Variants in ATG7 observed in about 807,000 individuals in gnomAD.
ATG7 encodes the protein autophagy related 7.
In ATG7, 70 loss-of-function variants were observed where a neutral mutation model predicts 82.4. That is an observed-to-expected ratio of 0.85 (90% CI 0.70 to 1.04). The LOEUF is 1.04. ATG7 is among the 50% of genes least tolerant of loss of function. ATG7 has a pLI of 0.00. For missense variants in ATG7, 792 were observed against 864.3 expected, an observed-to-expected ratio of 0.92 and a Z score of 1.05; for synonymous variants, 287 against 313.0, an observed-to-expected ratio of 0.92 and a Z score of 0.88.
intron 9 of ATG7, among the ~76,000 whole-genome samples, chr3:11,317,563 G>A (rs1949603359): frequency 6.7e-6 from 1 of 150,188 alleles, no homozygotes; most frequent in Non-Finnish European, 1.5e-5. Context: ...TGATTCCGAA[G>A]CCTATGCCCT....
chr3:11,396,775 C>CT (rs1363039855), intron 19 of ATG7, among the ~76,000 whole-genome samples: 37 of 119,296 alleles, frequency 3.1e-4, no homozygotes, highest in South Asian at 9.6e-4. Context: ...GAGCAAGACT[C>CT]TGTCTCCAAA....
chr3:11,554,283 G>A (rs1373079202), intron 20 of ATG7, among the ~76,000 whole-genome samples: 1 of 152,238 alleles, frequency 6.6e-6, no homozygotes, highest in Non-Finnish European at 1.5e-5. Context: ...TGGTGGGGAG[G>A]GCTTGCTCTT....
At chr3:11,471,495 T>A (rs960877483) in intron 20 of ATG7, among the ~76,000 whole-genome samples, 5 of 152,120 alleles carry the variant, frequency 3.3e-5, no homozygotes, top group Admixed American at 6.6e-5. Flanking sequence ...ATTTAAAAAA[T>A]TTTTACTGTC....
At position 11,507,608 on chromosome 3, in the gene ATG7, A is replaced by C. The variant is rs140496961; in HGVS notation, c.2080-47203A>C. Among the ~76,000 whole-genome samples the C allele has an allele frequency of 2.8e-3, 431 of 152,338 alleles. 3 individuals are homozygous for C. The highest frequency in any genetic ancestry group is 9.2e-3 in the African/African-American group (384 of 41,574). On this transcript the variant is annotated intron_variant, in intron 20 of 20. Coordinates refer to ENST00000693202, the MANE Select transcript of ATG7 (RefSeq NM_001349232.2). ...GGTTTGTTCCCTCCATTATAAGTGA[A>C]GGAAATGCTAAAGTTATGGGTGTTT...
intron 20 of ATG7, among the ~76,000 whole-genome samples, chr3:11,504,659 A>G (rs568759172): frequency 6.6e-6 from 1 of 152,368 alleles, no homozygotes; most frequent in African/African-American, 2.4e-5. Context: ...AGGTTTAGAC[A>G]GTTGGCAGAG....
At chr3:11,439,162 A>G (rs1335116276) in intron 20 of ATG7, among the ~76,000 whole-genome samples, 1 of 140,674 alleles carries the variant, frequency 7.1e-6, no homozygotes, top group East Asian at 2.1e-4. Context: ...TCCGTCTCCC[A>G]GGTTCAAGCG....
chr3:11,558,459 CCA>C, downstream of ATG7: 3 of 1,050,344 alleles, frequency 2.9e-6, no homozygotes, highest in Non-Finnish European at 2.6e-6. Flanking sequence ...TCCCTTCCCC[CCA>C]CCCCACCCCC....
At chr3:11,564,605 G>T in the ATG7 span, among the ~76,000 whole-genome samples, 1 of 150,114 alleles carries the variant, frequency 6.7e-6, no homozygotes, top group Non-Finnish European at 1.5e-5. Flanking sequence ...AAAAGCAGAA[G>T]AGGACTCCTG....
intron 14 of ATG7, among the ~76,000 whole-genome samples, chr3:11,354,804 G>A (rs1055560755): frequency 5.3e-5 from 8 of 152,126 alleles, no homozygotes; most frequent in Non-Finnish European, 7.3e-5. Context: ...GACAAAATAC[G>A]TAAAATTACT....
chr3:11,483,779 A>G lies in ATG7; in HGVS notation c.2079+56853A>G, dbSNP rs190401175. Reference sequence around the variant, plus strand: ...TTTAATGCAGTGGGTTTTGTACACAATGACCCTGCAGCCAATCAGGATGGA... The same window carrying G: ...TTTAATGCAGTGGGTTTTGTACACAGTGACCCTGCAGCCAATCAGGATGGA... On this transcript the variant is annotated intron_variant, in intron 20 of 20. Transcript: ENST00000693202. Among the ~76,000 whole-genome samples, 214 of 152,326 alleles carry G rather than the reference A, an allele frequency of 1.4e-3. 3 individuals are homozygous for G. The Middle Eastern group carries it at 0.02, about 15-fold the overall frequency.
At chr3:11,496,578 A>G (rs1183486490) in intron 20 of ATG7, among the ~76,000 whole-genome samples, 5 of 152,180 alleles carry the variant, frequency 3.3e-5, no homozygotes, top group Non-Finnish European at 5.9e-5. Context: ...AGATTACAAT[A>G]GCCAAGGGCC....
At chr3:11,344,367 T>A (rs1019821406) in intron 13 of ATG7, among the ~76,000 whole-genome samples, 3 of 152,216 alleles carry the variant, frequency 2.0e-5, no homozygotes, top group Non-Finnish European at 2.9e-5. Flanking sequence ...AATTTTGATG[T>A]TGGTTTCTGG....
intron 20 of ATG7, among the ~76,000 whole-genome samples, chr3:11,516,506 A>G (rs1260128415): frequency 1.3e-5 from 2 of 152,234 alleles, no homozygotes; most frequent in East Asian, 1.9e-4. Context: ...TGGGAATGCA[A>G]AATGGCACAG....
the ATG7 span, among the ~76,000 whole-genome samples, chr3:11,573,316 G>GAAGGAAGAAAGAAAGAAAGA: frequency 4.8e-5 from 1 of 20,754 alleles, no homozygotes. Flanking sequence ...AGGAAGGAAG[G>GAAGGAAGAAAGAAAGAAAGA]AAGAAAGAAA....
intron 20 of ATG7, among the ~76,000 whole-genome samples, chr3:11,507,888 T>TG (rs1420043401): frequency 2.0e-5 from 3 of 151,630 alleles, no homozygotes; most frequent in Admixed American, 1.3e-4. Context: ...ATTAGTCACA[T>TG]GGGGTGTAAG....
intron 14 of ATG7, among the ~76,000 whole-genome samples, chr3:11,355,390 A>G (rs941207869): frequency 6.6e-6 from 1 of 152,232 alleles, no homozygotes; most frequent in Non-Finnish European, 1.5e-5. Flanking sequence ...AGTTGACTTT[A>G]TAAAAATTTA....
At chr3:11,478,820 T>TTAAAA (rs202173656) in intron 20 of ATG7, among the ~76,000 whole-genome samples, 1,704 of 152,278 alleles carry the variant, frequency 0.011, 30 homozygotes, top group African/African-American at 0.039. Flanking sequence ...CAAACTTGAA[T>TTAAAA]TAAAGTTATT....
intron 20 of ATG7, among the ~76,000 whole-genome samples, chr3:11,482,911 T>C (rs569221252): frequency 2.0e-5 from 3 of 152,040 alleles, no homozygotes; most frequent in Admixed American, 2.0e-4. Context: ...GATTGGGAGA[T>C]AGAACATTTC....
chr3:11,408,867 T>G (rs1333852631), intron 19 of ATG7, among the ~76,000 whole-genome samples: 3 of 152,130 alleles, frequency 2.0e-5, no homozygotes, highest in Non-Finnish European at 2.9e-5. Flanking sequence ...TCCATATTAG[T>G]CTCCCAAAAT....
Sources: gnomAD v4.1 joint callset for allele counts (sites outside exome capture counted in the v4.1 genomes callset) on GRCh38, gnomAD v4.1.1 for gene constraint, MANE v1.5 for transcripts, NCBI Gene and HGNC (gene_info 2026-07-23, HGNC 2026-07-21) for gene names.